Variants in LRRC7 observed in about 807,000 individuals in gnomAD.
LRRC7 encodes the protein leucine rich repeat containing 7.
In LRRC7, 23 loss-of-function variants were observed where a neutral mutation model predicts 175.7. That is an observed-to-expected ratio of 0.13 (90% CI 0.09 to 0.19). The LOEUF (loss-of-function observed/expected upper bound fraction) is 0.19. LRRC7 is among the 10% of genes least tolerant of loss of function. The probability of loss-of-function intolerance (pLI) is 1.00; values close to 1 mark genes in which losing one functional copy is unlikely to be tolerated. For synonymous variants in LRRC7, 685 were observed against 680.9 expected, an observed-to-expected ratio of 1.01 and a Z score of -0.09; for missense variants, 1,354 against 1,904.7, an observed-to-expected ratio of 0.71 and a Z score of 5.38.
chr1:69,659,745 AGAAG>A (rs1475874804), intron 1 of LRRC7, among the ~76,000 whole-genome samples: 11 of 45,824 alleles, frequency 2.4e-4, no homozygotes, highest in Non-Finnish European at 3.7e-4. Context: ...AAGTTCAGAA[AGAAG>A]GAAGATAATC....
chr1:69,665,396 G>A (rs1335368008), intron 1 of LRRC7, among the ~76,000 whole-genome samples: 2 of 152,072 alleles, frequency 1.3e-5, no homozygotes, highest in Admixed American at 6.5e-5. Flanking sequence ...GCTTTGAGTA[G>A]TATGGACATT....
At chr1:69,993,030 C>CA (rs1191682334) in intron 10 of LRRC7, among the ~76,000 whole-genome samples, 2 of 152,122 alleles carry the variant, frequency 1.3e-5, no homozygotes, top group Non-Finnish European at 2.9e-5. Context: ...TACCAAGTCA[C>CA]AAAAAACTTA....
At chr1:69,777,069 AG>A (rs1375510277) in intron 3 of LRRC7, among the ~76,000 whole-genome samples, 5 of 152,092 alleles carry the variant, frequency 3.3e-5, no homozygotes, top group Admixed American at 2.6e-4. Context: ...GACTGATAAA[AG>A]CTTGTAGTAT....
intron 1 of LRRC7, among the ~76,000 whole-genome samples, chr1:69,627,487 T>C (rs1246479970): frequency 6.6e-6 from 1 of 152,216 alleles, no homozygotes; most frequent in Non-Finnish European, 1.5e-5. Flanking sequence ...CTTTGTCAGA[T>C]GGGTAGATTG....
At chr1:69,901,756 A>G (rs934709570) in intron 7 of LRRC7, among the ~76,000 whole-genome samples, 1 of 152,196 alleles carries the variant, frequency 6.6e-6, no homozygotes, top group African/African-American at 2.4e-5. Context: ...TAAAACATGC[A>G]AAATACTTTT....
chr1:69,703,117 T>G (rs1663578966), intron 2 of LRRC7, among the ~76,000 whole-genome samples: 1 of 152,028 alleles, frequency 6.6e-6, no homozygotes, highest in Non-Finnish European at 1.5e-5. Flanking sequence ...ACAGTAAAAT[T>G]TTTATGAATT....
At chr1:69,729,570 C>T (rs1301622761) in intron 2 of LRRC7, among the ~76,000 whole-genome samples, 3 of 152,224 alleles carry the variant, frequency 2.0e-5, no homozygotes, top group Non-Finnish European at 2.9e-5. Flanking sequence ...CTATGTCTCA[C>T]ATCTAGGTCA....
intron 7 of LRRC7, among the ~76,000 whole-genome samples, chr1:69,904,396 T>C (rs139182977): frequency 6.6e-6 from 1 of 152,212 alleles, no homozygotes; most frequent in East Asian, 1.9e-4. Context: ...ACAGACATGG[T>C]TTCTGAAAAG....
intron 23 of LRRC7, among the ~76,000 whole-genome samples, chr1:70,075,196 C>T (rs1439586391): frequency 6.6e-6 from 1 of 152,118 alleles, no homozygotes; most frequent in Non-Finnish European, 1.5e-5. Flanking sequence ...CATGTTAAAC[C>T]ATTCTCAGTT....
At chr1:69,823,909 G>A (rs1043622143) in intron 4 of LRRC7, among the ~76,000 whole-genome samples, 1 of 152,024 alleles carries the variant, frequency 6.6e-6, no homozygotes, top group Non-Finnish European at 1.5e-5. Context: ...ACTTGCCTAG[G>A]GCTACCAGCC....
chr1:69,796,267 T>C (rs558771502), intron 4 of LRRC7, among the ~76,000 whole-genome samples: 1 of 151,762 alleles, frequency 6.6e-6, no homozygotes, highest in African/African-American at 2.4e-5. Flanking sequence ...TGGTTTCCAG[T>C]TTCATCCATG....
Position 70,038,445 on chromosome 1 carries a change from T to C in LRRC7, c.2621T>C (p.Val874Ala). 6.2e-7 allele frequency: 1 copy of C among 1,614,120 alleles called. No individual in the cohort carries two copies. Among genetic ancestry groups the C allele is most frequent in the Non-Finnish European group, 8.5e-7 (1 of 1,179,990 alleles). ...CACAGACACACACCAGAAACAGAAG[T>C]GCCTCCTTCCAATCCTTGGCAGAAT... ...STHRHTPETE[V>A]PPSNPWQNWT... The change falls in exon 21 of 27, where the codon GTG becomes GCG. Residue 874 changes from valine to alanine, a missense_variant. Val to Ala is a moderately conservative substitution (Grantham distance 64). Transcript: ENST00000651989.
At chr1:69,983,881 T>C (rs1653678851) in intron 9 of LRRC7, among the ~76,000 whole-genome samples, 1 of 152,148 alleles carries the variant, frequency 6.6e-6, no homozygotes, top group Non-Finnish European at 1.5e-5. Flanking sequence ...ATTTAATATG[T>C]GTTAAAATGT....
intron 8 of LRRC7, among the ~76,000 whole-genome samples, chr1:69,946,038 T>G (rs1351504949): frequency 6.6e-6 from 1 of 152,194 alleles, no homozygotes; most frequent in Non-Finnish European, 1.5e-5. Flanking sequence ...CAGTGTGCAT[T>G]CTTGTCTTGT....
intron 18 of LRRC7, among the ~76,000 whole-genome samples, chr1:70,029,265 G>T (rs1044579436): frequency 6.6e-6 from 1 of 152,108 alleles, no homozygotes; most frequent in African/African-American, 2.4e-5. Flanking sequence ...CAATTAAAGA[G>T]CATATTATCT....
intron 1 of LRRC7, among the ~76,000 whole-genome samples, chr1:69,636,273 T>C (rs1420997818): frequency 1.3e-5 from 2 of 152,074 alleles, no homozygotes; most frequent in African/African-American, 4.8e-5. Context: ...ATGTTACTTG[T>C]ATATGACAGT....
chr1:69,587,937 G>A (rs1646470361), intron 1 of LRRC7, among the ~76,000 whole-genome samples: 1 of 152,126 alleles, frequency 6.6e-6, no homozygotes, highest in South Asian at 2.1e-4. Context: ...AGCAGTGTTA[G>A]AATGGACTAA....
Position 69,636,990 on chromosome 1 carries a change from CTTG to C in LRRC7, c.3-41386_3-41384del, listed in dbSNP as rs572231298. 8.6e-5 allele frequency among the ~76,000 whole-genome samples: 13 copies of C among 151,612 alleles called. 1 individual carries two copies. The South Asian group carries it at 1.0e-3, about 12-fold the overall frequency. ...TCTAATTTTCTTCTCTCATATTGCC[CTTG>C]TTGTGTTCTTTGGTATAAAAGTTAC... is the stretch of plus-strand genomic sequence containing the variant. On this transcript the variant is annotated intron_variant, in intron 1 of 26. Transcript: ENST00000651989.
chr1:70,048,589 T>G (rs1304631052), intron 22 of LRRC7, among the ~76,000 whole-genome samples: 1 of 152,064 alleles, frequency 6.6e-6, no homozygotes, highest in Admixed American at 6.6e-5. Flanking sequence ...CATTATTACC[T>G]CACATCATCT....
Sources: allele counts gnomAD v4.1 joint callset (sites outside exome capture counted in the v4.1 genomes callset), GRCh38; gene constraint gnomAD v4.1.1; transcripts MANE v1.5; gene names NCBI Gene and HGNC (gene_info 2026-07-23, HGNC 2026-07-21).